VEGFC: variants seen among roughly 807,000 people sequenced by gnomAD.
VEGFC encodes FLT4 ligand DHM.
Under a neutral mutation model 46.1 loss-of-function variants are expected in VEGFC, and 12 were observed. The ratio of observed to expected loss-of-function variants is 0.26; its 90% confidence interval spans 0.17 to 0.42. The LOEUF (loss-of-function observed/expected upper bound fraction) is 0.42, where lower values mean the gene tolerates loss of function less well. VEGFC is among the 10% of genes least tolerant of loss of function. The pLI is 1.00. For missense variants in VEGFC, 488 were observed against 529.4 expected, an observed-to-expected ratio of 0.92 and a Z score of 0.77; for synonymous variants, 232 against 195.5, an observed-to-expected ratio of 1.19 and a Z score of -1.56.
At chr4:176,707,683 A>G (rs962767400) in intron 4 of VEGFC, among the ~76,000 whole-genome samples, 7 of 152,252 alleles carry the variant, frequency 4.6e-5, no homozygotes, top group African/African-American at 1.4e-4. Flanking sequence ...ATATTCCTTA[A>G]TACTTAAATT....
chr4:176,792,441 C>A lies in VEGFC; in HGVS notation c.-130G>T, dbSNP rs932337654. 7.5e-6 allele frequency: 5 copies of A among 666,272 alleles called. No individual in the cohort carries two copies. The highest frequency in any genetic ancestry group is 4.7e-4 in the Middle Eastern group (1 of 2,106). 41.3% of individuals were successfully genotyped at this position (666,272 alleles called of 1,614,324 possible). A position where few individuals can be genotyped will look rare whatever the true frequency, so the allele number is the denominator to read the frequency against. On this transcript the variant is annotated 5_prime_UTR_variant, in exon 1 of 7. Coordinates refer to ENST00000618562, the MANE Select transcript of VEGFC (RefSeq NM_005429.5). This position sits in a 1 kb window ranked among gnomAD's most constrained non-coding sequence, Gnocchi z 6.3. ...GCTCCTCCCGGCGACCCCCCCTGGG[C>A]GAGCCGGAGGCGGCGGGAGCGGGTC...
At chr4:176,782,892 A>G (rs2110947744) in intron 1 of VEGFC, among the ~76,000 whole-genome samples, 1 of 152,354 alleles carries the variant, frequency 6.6e-6, no homozygotes, top group African/African-American at 2.4e-5. Flanking sequence ...ATCCTAGGGA[A>G]GTGAATACTT....
intron 1 of VEGFC, among the ~76,000 whole-genome samples, chr4:176,742,297 T>C (rs972243374): frequency 6.6e-6 from 1 of 152,078 alleles, no homozygotes; most frequent in Non-Finnish European, 1.5e-5. Context: ...TATTCCATGG[T>C]GTGTATGTAC....
chr4:176,746,621 T>C (rs1735261773), intron 1 of VEGFC, among the ~76,000 whole-genome samples: 1 of 152,170 alleles, frequency 6.6e-6, no homozygotes, highest in Non-Finnish European at 1.5e-5. Context: ...TCTCTCTTGG[T>C]ACTTACATTT....
intron 2 of VEGFC, 21 bp from the exon 3 acceptor site, chr4:176,727,989 C>T: frequency 1.3e-6 from 2 of 1,556,138 alleles, no homozygotes; most frequent in Non-Finnish European, 1.7e-6. Flanking sequence ...ATAGGGAAAT[C>T]AGTAAGTTTT....
intron 1 of VEGFC, among the ~76,000 whole-genome samples, chr4:176,772,962 A>C (rs554289968): frequency 7.9e-5 from 12 of 152,334 alleles, no homozygotes; most frequent in African/African-American, 2.9e-4. Flanking sequence ...AAGTACATTC[A>C]TTCTCCTTTC....
chr4:176,735,508 C>T (rs1017633347), intron 1 of VEGFC, among the ~76,000 whole-genome samples: 4 of 151,814 alleles, frequency 2.6e-5, no homozygotes, highest in Non-Finnish European at 5.9e-5. Flanking sequence ...GGATATATGC[C>T]AGGACCACCT....
At chr4:176,722,483 C>G (rs1013727877) in intron 3 of VEGFC, among the ~76,000 whole-genome samples, 1 of 116,598 alleles carries the variant, frequency 8.6e-6, no homozygotes, top group African/African-American at 2.6e-5. Context: ...TAATTTTTTT[C>G]TTTTGTTTTT....
intron 4 of VEGFC, among the ~76,000 whole-genome samples, chr4:176,697,428 C>T (rs1560937265): frequency 6.6e-6 from 1 of 152,216 alleles, no homozygotes. Context: ...ATCAAAACTA[C>T]AATGAGATAC....
At chr4:176,685,556 A>G (rs1734024773) in intron 6 of VEGFC, among the ~76,000 whole-genome samples, 1 of 152,126 alleles carries the variant, frequency 6.6e-6, no homozygotes, top group South Asian at 2.1e-4. Context: ...GTCTGTGTTC[A>G]TATAATTCTG....
chr4:176,688,694 G>C (rs190601912), intron 4 of VEGFC, among the ~76,000 whole-genome samples: 6 of 148,194 alleles, frequency 4.0e-5, no homozygotes, highest in African/African-American at 1.5e-4. Flanking sequence ...CTTCAGTCAA[G>C]TACCCTAATT....
chr4:176,723,795 G>A (rs545116808), intron 3 of VEGFC, among the ~76,000 whole-genome samples: 255 of 130,322 alleles, frequency 2.0e-3, no homozygotes, highest in Middle Eastern at 5.4e-3. Flanking sequence ...GTTTGGGGGT[G>A]CATGTGCAGG....
intron 1 of VEGFC, among the ~76,000 whole-genome samples, chr4:176,756,201 T>C (rs1055096721): frequency 2.6e-5 from 4 of 152,094 alleles, no homozygotes; most frequent in African/African-American, 9.7e-5. Context: ...TTAGAGGAGA[T>C]ACTATTTTCT....
intron 1 of VEGFC, among the ~76,000 whole-genome samples, chr4:176,750,547 A>G (rs1352388673): frequency 2.0e-5 from 3 of 151,800 alleles, no homozygotes; most frequent in East Asian, 1.9e-4. Context: ...AGCCATTTCA[A>G]TTATAAACCT....
At chr4:176,783,247 G>T (rs1735945426) in intron 1 of VEGFC, among the ~76,000 whole-genome samples, 1 of 152,190 alleles carries the variant, frequency 6.6e-6, no homozygotes, top group Non-Finnish European at 1.5e-5. Flanking sequence ...CTGGAAGAGG[G>T]TCCCTTAGGA....
At chr4:176,712,525 A>ATG (rs1734636291) in intron 3 of VEGFC, among the ~76,000 whole-genome samples, 1 of 152,214 alleles carries the variant, frequency 6.6e-6, no homozygotes, top group South Asian at 2.1e-4. Flanking sequence ...TACCAGAAAA[A>ATG]ATGGTAAAAG....
chr4:176,724,561 G>A lies in VEGFC; in HGVS notation c.552+3217C>T, dbSNP rs538693455. Among the ~76,000 whole-genome samples the A allele has an allele frequency of 1.4e-4, 22 of 152,304 alleles. No individual in the cohort carries two copies. In the East Asian group the frequency reaches 4.0e-3, roughly 28 times the overall value. ...GGGTCTAATCCAAATAGGTCAGAAA[G>A]TCTTGCCTGAGGCCTTGCCAAAGCC... On this transcript the variant is annotated intron_variant, in intron 3 of 6. Coordinates refer to ENST00000618562, the MANE Select transcript of VEGFC (RefSeq NM_005429.5).
intron 1 of VEGFC, among the ~76,000 whole-genome samples, chr4:176,774,574 A>G (rs4274794): frequency 0.83 from 125,186 of 151,616 alleles, 53,261 homozygotes; most frequent in East Asian, 1. Context: ...ATATGAAACC[A>G]AAAATTTAAG....
At chr4:176,717,162 G>A (rs1045481289) in intron 3 of VEGFC, among the ~76,000 whole-genome samples, 6 of 152,000 alleles carry the variant, frequency 3.9e-5, no homozygotes, top group Admixed American at 1.3e-4. Flanking sequence ...CACAAAAAAA[G>A]TTGTAATAAT....
Sources: allele counts gnomAD v4.1 joint callset (sites outside exome capture counted in the v4.1 genomes callset), GRCh38; gene constraint gnomAD v4.1.1; non-coding constraint Gnocchi (gnomAD v3.1); transcripts MANE v1.5; gene names NCBI Gene and HGNC (gene_info 2026-07-23, HGNC 2026-07-21).